CTXND1: variants seen among roughly 807,000 people sequenced by gnomAD.
The protein encoded by CTXND1 is cortexin domain-containing 1 protein.
chr15:80,232,940 C>CT (rs1567133478), intron 1 of CTXND1, among the ~76,000 whole-genome samples: 2,766 of 128,774 alleles, frequency 0.021, 92 homozygotes, highest in African/African-American at 0.073. Context: ...AATGCAACTT[C>CT]CTTTTTTTTT....
At chr15:80,206,838 C>G (rs1336228112) in intron 1 of CTXND1, among the ~76,000 whole-genome samples, 1 of 152,118 alleles carries the variant, frequency 6.6e-6, no homozygotes, top group Non-Finnish European at 1.5e-5. Context: ...GCCCTTATGT[C>G]TACCTTAGTT....
intron 1 of CTXND1, among the ~76,000 whole-genome samples, chr15:80,243,545 T>C (rs1053697209): frequency 6.6e-6 from 1 of 152,036 alleles, no homozygotes. Context: ...GAGGTCAGAG[T>C]TATTTTCTAG....
At chr15:80,231,273 C>A (rs1893425790) in intron 1 of CTXND1, among the ~76,000 whole-genome samples, 1 of 151,984 alleles carries the variant, frequency 6.6e-6, no homozygotes, top group African/African-American at 2.4e-5. Flanking sequence ...CTCATTATCT[C>A]ATGCACCTTG....
intron 2 of CTXND1, among the ~76,000 whole-genome samples, 190 bp downstream of exon 2, chr15:80,203,399 G>A (rs929198393): frequency 4.6e-5 from 7 of 152,140 alleles, no homozygotes; most frequent in East Asian, 1.9e-4. Flanking sequence ...TCCCACACCC[G>A]AGGTCCCTAC....
chr15:80,221,596 G>A (rs1274740686), intron 1 of CTXND1, among the ~76,000 whole-genome samples: 2 of 151,998 alleles, frequency 1.3e-5, no homozygotes, highest in African/African-American at 4.8e-5. Context: ...AAATAAAAAT[G>A]ATTTTTTTTG....
intron 1 of CTXND1, among the ~76,000 whole-genome samples, chr15:80,238,046 T>G (rs1893522291): frequency 6.6e-6 from 1 of 150,594 alleles, no homozygotes. Context: ...ACAATTTAAG[T>G]TTATAAAGCA....
chr15:80,215,947 G>T (rs778027263), intron 1 of CTXND1, among the ~76,000 whole-genome samples: 1 of 152,054 alleles, frequency 6.6e-6, no homozygotes, highest in Admixed American at 6.6e-5. Flanking sequence ...GGGTCCTGGG[G>T]GCCTCATACA....
chr15:80,249,128 T>G (rs1218881637), intron 1 of CTXND1, among the ~76,000 whole-genome samples: 1 of 152,092 alleles, frequency 6.6e-6, no homozygotes, highest in Non-Finnish European at 1.5e-5. Context: ...TTTTTAAAAT[T>G]TTTTTGTGGA....
intron 1 of CTXND1, among the ~76,000 whole-genome samples, chr15:80,217,433 A>G (rs987093410): frequency 2.0e-5 from 3 of 152,070 alleles, no homozygotes; most frequent in African/African-American, 4.8e-5. Flanking sequence ...TTTTTGTACT[A>G]TTTTGTTAAT....
At chr15:80,223,567 ATTAG>A (rs1893341847) in intron 1 of CTXND1, among the ~76,000 whole-genome samples, 1 of 152,088 alleles carries the variant, frequency 6.6e-6, no homozygotes, top group Non-Finnish European at 1.5e-5. Flanking sequence ...ATCCATTTCT[ATTAG>A]TTGTATATCT....
chr15:80,242,054 G>A (rs1893574232), intron 1 of CTXND1, among the ~76,000 whole-genome samples: 1 of 152,194 alleles, frequency 6.6e-6, no homozygotes, highest in Non-Finnish European at 1.5e-5. Flanking sequence ...AGGCTACCTG[G>A]TCTGGACAGG....
In CTXND1 at chr15:80,198,925, G is replaced by A. The variant is rs2041434395; in HGVS notation, c.*2845C>T. On this transcript the variant is annotated 3_prime_UTR_variant, in exon 3 of 3. Coordinates refer to ENST00000560778, the MANE Select transcript of CTXND1 (RefSeq NM_001352888.2). ...AGCAACATGAAAGTATACTTGTGAT[G>A]TAATGTTAGGAGAAAGAGTATGATA... The A allele has an allele frequency of 6.6e-6, 1 of 152,180 alleles. No homozygotes were observed. The allele number at this position is 152,180 out of a possible 1,614,324, so 9.4% of individuals were successfully genotyped here. A position where few individuals can be genotyped will look rare whatever the true frequency, so the allele number is the denominator to read the frequency against.
chr15:80,222,707 C>T (rs1893331043), intron 1 of CTXND1, among the ~76,000 whole-genome samples: 1 of 152,004 alleles, frequency 6.6e-6, no homozygotes, highest in South Asian at 2.1e-4. Flanking sequence ...ACAGTTTTGC[C>T]TTATCATTAT....
rs575626990 is a variant in CTXND1, at chr15:80,199,142, G to C, written c.*2628C>G. On this transcript the variant is annotated 3_prime_UTR_variant, in exon 3 of 3. Coordinates refer to ENST00000560778, the MANE Select transcript of CTXND1 (RefSeq NM_001352888.2). Reference sequence around the variant, plus strand: ...CATCAAACAAGAGTCAAGAGATAAGGTGAAACCCATTAGCAAATCTGAGTG... The same window carrying C: ...CATCAAACAAGAGTCAAGAGATAAGCTGAAACCCATTAGCAAATCTGAGTG... 1 of 152,312 alleles carries C rather than the reference G, an allele frequency of 6.6e-6. No homozygotes were observed. The highest frequency in any genetic ancestry group is 6.5e-5 in the Admixed American group (1 of 15,302). 9.4% of individuals were successfully genotyped at this position (152,312 alleles called of 1,614,324 possible).
intron 1 of CTXND1, among the ~76,000 whole-genome samples, chr15:80,240,487 A>G (rs1893553141): frequency 6.6e-6 from 1 of 151,992 alleles, no homozygotes; most frequent in Non-Finnish European, 1.5e-5. Context: ...TGCTTGACTT[A>G]CTGTTGTGTG....
chr15:80,204,199 T>TAC lies in CTXND1; in HGVS notation c.-217-461_-217-460dup, dbSNP rs1555443875. Among the ~76,000 whole-genome samples, 192 of 26,702 alleles carry TAC rather than the reference T, an allele frequency of 7.2e-3. 2 individuals carry two copies. The highest frequency in any genetic ancestry group is 0.029 in the Middle Eastern group (1 of 34). The allele number at this position is 26,702 out of a possible 152,430, so 17.5% of individuals were successfully genotyped here. ...ATATATATATATATATATATATATA[T>TAC]ACACAAACACATACACACATGCACA... On this transcript the variant is annotated intron_variant, in intron 1 of 2. Coordinates refer to ENST00000560778, the MANE Select transcript of CTXND1 (RefSeq NM_001352888.2).
chr15:80,242,008 T>C (rs1217179413), intron 1 of CTXND1, among the ~76,000 whole-genome samples: 1 of 152,346 alleles, frequency 6.6e-6, no homozygotes, highest in South Asian at 2.1e-4. Flanking sequence ...GCAGTGAGCA[T>C]TCCTGTTTTA....
chr15:80,202,439 G>C (rs28664141), intron 2 of CTXND1, among the ~76,000 whole-genome samples: 2,697 of 152,190 alleles, frequency 0.018, 89 homozygotes, highest in African/African-American at 0.061. Flanking sequence ...CCAAAAATTG[G>C]GTAATTATTA....
chr15:80,226,590 G>A (rs981932595), intron 1 of CTXND1, among the ~76,000 whole-genome samples: 29 of 152,128 alleles, frequency 1.9e-4, no homozygotes, highest in African/African-American at 7.0e-4. Context: ...CTGTCAAATT[G>A]AATTCTCCAC....
Sources: gnomAD v4.1 joint callset for allele counts (sites outside exome capture counted in the v4.1 genomes callset) on GRCh38, gnomAD v4.1.1 for gene constraint, MANE v1.5 for transcripts, NCBI Gene and HGNC (gene_info 2026-07-23, HGNC 2026-07-21) for gene names.